CNTNAP2: variants seen among roughly 807,000 people sequenced by gnomAD.
CNTNAP2 encodes contactin associated protein 2.
In CNTNAP2, 98 loss-of-function variants were observed where a neutral mutation model predicts 155.2. The observed-to-expected ratio is 0.63, with a 90% CI of 0.54 to 0.75. The LOEUF (loss-of-function observed/expected upper bound fraction) is 0.75, where lower values mean the gene tolerates loss of function less well. CNTNAP2 is among the 30% of genes least tolerant of loss of function. The pLI is 0.00. For missense variants in CNTNAP2, 1,727 were observed against 1,688.1 expected (o/e 1.02, Z -0.40); for synonymous variants, 651 against 631.2 (o/e 1.03, Z -0.47).
intron 21 of CNTNAP2, among the ~76,000 whole-genome samples, chr7:148,339,886 C>A (rs1348360879): frequency 6.6e-6 from 1 of 151,872 alleles, no homozygotes; most frequent in Non-Finnish European, 1.5e-5. Flanking sequence ...GGTTTGCATT[C>A]GAAGCACTAC....
At chr7:147,684,657 G>A (rs1489460275) in intron 13 of CNTNAP2, among the ~76,000 whole-genome samples, 1 of 151,826 alleles carries the variant, frequency 6.6e-6, no homozygotes, top group East Asian at 1.9e-4. Context: ...CATATATTCA[G>A]GAAAATAATA....
intron 1 of CNTNAP2, among the ~76,000 whole-genome samples, chr7:146,724,380 A>T (rs1264072735): frequency 6.6e-6 from 1 of 151,880 alleles, no homozygotes; most frequent in Admixed American, 6.6e-5. Flanking sequence ...ATTTTGAATG[A>T]GGATACAAGA....
intron 3 of CNTNAP2, among the ~76,000 whole-genome samples, chr7:146,971,274 C>G (rs930567412): frequency 6.6e-6 from 1 of 151,920 alleles, no homozygotes; most frequent in African/African-American, 2.4e-5. Flanking sequence ...AGAGAGAACT[C>G]TTAATAAATG....
At chr7:147,989,214 C>T (rs945989261) in intron 15 of CNTNAP2, among the ~76,000 whole-genome samples, 5 of 152,206 alleles carry the variant, frequency 3.3e-5, no homozygotes, top group Admixed American at 2.6e-4. Flanking sequence ...AGCCAACAGG[C>T]CACGCTTAGG....
chr7:147,424,705 A>G (rs1797350847), intron 10 of CNTNAP2, among the ~76,000 whole-genome samples: 1 of 152,184 alleles, frequency 6.6e-6, no homozygotes, highest in South Asian at 2.1e-4. Flanking sequence ...GCTCCCAGTC[A>G]GCACAGTCTA....
intron 3 of CNTNAP2, among the ~76,000 whole-genome samples, chr7:146,936,317 C>G (rs894022454): frequency 4.6e-5 from 7 of 152,276 alleles, no homozygotes; most frequent in African/African-American, 1.7e-4. Flanking sequence ...TAAGGAAACA[C>G]ATAGATCCTA....
At chr7:148,406,616 A>G (rs966900949) in intron 22 of CNTNAP2, among the ~76,000 whole-genome samples, 5 of 152,222 alleles carry the variant, frequency 3.3e-5, no homozygotes, top group South Asian at 2.1e-4. Context: ...TAACTAGACT[A>G]TTCACAAGCT....
At chr7:146,721,483 C>CTATATACATTCTATATATATTCTA (rs1563203638) in intron 1 of CNTNAP2, among the ~76,000 whole-genome samples, 15 of 121,274 alleles carry the variant, frequency 1.2e-4, no homozygotes, top group East Asian at 5.0e-4. Context: ...TATATATATT[C>CTATATACATTCTATATATATTCTA]TATATACATT....
intron 13 of CNTNAP2, among the ~76,000 whole-genome samples, chr7:147,720,759 G>T (rs1010537303): frequency 2.0e-5 from 3 of 152,180 alleles, no homozygotes; most frequent in Non-Finnish European, 4.4e-5. Context: ...CTTCTGCCAT[G>T]ATGAGGCCTC....
At chr7:146,186,279 C>G (rs1315877107) in intron 1 of CNTNAP2, among the ~76,000 whole-genome samples, 3 of 152,084 alleles carry the variant, frequency 2.0e-5, no homozygotes, top group Non-Finnish European at 2.9e-5. Context: ...CTTACCTTTA[C>G]CTTCATTCCC....
chr7:147,823,969 A>T (rs1325234827), intron 13 of CNTNAP2, among the ~76,000 whole-genome samples: 1 of 152,160 alleles, frequency 6.6e-6, no homozygotes, highest in Non-Finnish European at 1.5e-5. Context: ...TGGCATGACT[A>T]AGGTTTGTGT....
At chr7:146,525,532 T>TATC (rs1797675587) in intron 1 of CNTNAP2, among the ~76,000 whole-genome samples, 2 of 147,842 alleles carry the variant, frequency 1.4e-5, no homozygotes, top group Non-Finnish European at 3.0e-5. Context: ...TCTTTTCAGT[T>TATC]TATCTATCTA....
At chr7:148,157,091 A>T (rs1805413094) in intron 17 of CNTNAP2, among the ~76,000 whole-genome samples, 1 of 152,156 alleles carries the variant, frequency 6.6e-6, no homozygotes, top group Non-Finnish European at 1.5e-5. Flanking sequence ...ACTGAGTAAC[A>T]TCCTTGCCAT....
intron 1 of CNTNAP2, among the ~76,000 whole-genome samples, chr7:146,642,236 C>A (rs917679661): frequency 2.0e-5 from 3 of 151,230 alleles, no homozygotes; most frequent in Admixed American, 6.6e-5. Flanking sequence ...TATACATGTG[C>A]CATGCTGGTG....
chr7:146,120,777 G>A (rs1263559229), intron 1 of CNTNAP2, among the ~76,000 whole-genome samples: 2 of 151,948 alleles, frequency 1.3e-5, no homozygotes, highest in Admixed American at 6.6e-5. Flanking sequence ...TGTTATAATT[G>A]CCTATAGTAT....
intron 1 of CNTNAP2, among the ~76,000 whole-genome samples, chr7:146,348,757 TA>T (rs1794867379): frequency 6.6e-6 from 1 of 150,574 alleles, no homozygotes. Context: ...CTTGTCTCGT[TA>T]ACACCAAACA....
intron 15 of CNTNAP2, among the ~76,000 whole-genome samples, chr7:148,087,979 G>T (rs1330906546): frequency 1.3e-5 from 2 of 151,946 alleles, no homozygotes; most frequent in African/African-American, 2.4e-5. Flanking sequence ...TTTTATTTTG[G>T]AATTGAAATA....
intron 10 of CNTNAP2, among the ~76,000 whole-genome samples, chr7:147,484,767 T>A (rs534036336): frequency 6.6e-5 from 10 of 152,350 alleles, no homozygotes; most frequent in South Asian, 6.2e-4. Context: ...TCAGATTTTG[T>A]AGCAGGGAGC....
intron 13 of CNTNAP2, among the ~76,000 whole-genome samples, chr7:147,816,447 CAG>C (rs1315729098): frequency 1.3e-5 from 2 of 151,922 alleles, no homozygotes; most frequent in African/African-American, 4.8e-5. Flanking sequence ...AAAAAAATGA[CAG>C]AACACATTAA....
Sources: allele counts gnomAD v4.1 joint callset (sites outside exome capture counted in the v4.1 genomes callset), GRCh38; gene constraint gnomAD v4.1.1; transcripts MANE v1.5; gene names NCBI Gene and HGNC (gene_info 2026-07-23, HGNC 2026-07-21).